PARVG: variants seen among roughly 807,000 people sequenced by gnomAD.
PARVG encodes the protein parvin gamma.
PARVG carries 36 observed loss-of-function variants against 44.4 expected under a neutral mutation model. That is an observed-to-expected ratio of 0.81 (90% CI 0.62 to 1.07). The LOEUF (loss-of-function observed/expected upper bound fraction) is 1.07. PARVG is among the 50% of genes least tolerant of loss of function. The pLI is 0.00. For missense variants in PARVG, 407 were observed against 407.4 expected, an observed-to-expected ratio of 1.00 and a Z score of 0.01; for synonymous variants, 170 against 174.1, an observed-to-expected ratio of 0.98 and a Z score of 0.19.
rs1208204273 is a variant in PARVG at position 44,190,757 on chromosome 22, C to A, written c.504+91C>A. The A allele has an allele frequency of 5.4e-6, 6 of 1,105,006 alleles. No homozygotes were observed. In the Admixed American group the frequency reaches 7.6e-5, roughly 14 times the overall value. The allele number at this position is 1,105,006 out of a possible 1,614,324, so 68.5% of individuals were successfully genotyped here. On this transcript the variant is annotated intron_variant, in intron 7 of 13. Coordinates refer to ENST00000444313, the MANE Select transcript of PARVG (RefSeq NM_022141.7). ...CCTGCATGGGTGGAGCTGGCTGGGG[C>A]GGGGCTGACCCAGGGTGAGTTTCAG...
chr22:44,177,254 G>A (rs1468571289), upstream of PARVG, among the ~76,000 whole-genome samples: 1 of 152,022 alleles, frequency 6.6e-6, no homozygotes, highest in Non-Finnish European at 1.5e-5. Flanking sequence ...AATCTTTGAG[G>A]GTAAGTTGCA....
At chr22:44,192,238 G>A (rs902915556) in intron 8 of PARVG, 134 bp downstream of exon 8, 34 of 1,002,716 alleles carry the variant, frequency 3.4e-5, no homozygotes, top group Non-Finnish European at 4.5e-5. Context: ...TCTCAGACCC[G>A]AAAATGCTGC....
chr22:44,179,737 G>A (rs1233574917), upstream of PARVG, among the ~76,000 whole-genome samples: 1 of 145,502 alleles, frequency 6.9e-6, no homozygotes, highest in Admixed American at 6.7e-5. This position sits in a 1 kb window ranked among gnomAD's most constrained non-coding sequence, Gnocchi z 4.2. Flanking sequence ...AATTGTTTCT[G>A]GTAACAAATC....
intron 1 of PARVG, 187 bp from the exon 2 acceptor site, chr22:44,181,555 C>G (rs1458426063): frequency 1.8e-6 from 1 of 571,006 alleles, no homozygotes. Context: ...GAACAGCCTG[C>G]GGGGAAACTG....
At chr22:44,205,680 G>T (rs1261086449) in intron 12 of PARVG, 77 bp from the exon 13 acceptor site, 9 of 1,554,214 alleles carry the variant, frequency 5.8e-6, no homozygotes, top group Non-Finnish European at 7.1e-6. Context: ...CAACAGGAAG[G>T]GCTTGGCACT....
chr22:44,206,134 G>A (rs573605337), intron 13 of PARVG, among the ~76,000 whole-genome samples, 183 bp from the exon 14 acceptor site: 9 of 152,242 alleles, frequency 5.9e-5, no homozygotes, highest in Admixed American at 6.5e-5. Context: ...CTGGCCAGGA[G>A]GAGGAGGCAG....
chr22:44,187,433 A>G, intron 4 of PARVG: 1 of 354,974 alleles, frequency 2.8e-6, no homozygotes, highest in Non-Finnish European at 5.3e-6. Context: ...TTTTTCTATC[A>G]AGTGCTCATT....
chr22:44,199,463 C>T (rs1450083202), intron 12 of PARVG, among the ~76,000 whole-genome samples: 1 of 152,224 alleles, frequency 6.6e-6, no homozygotes, highest in Non-Finnish European at 1.5e-5. Context: ...CACGCCTGTT[C>T]CCCCATTCCC....
At chr22:44,204,492 A>T (rs527810086) in intron 12 of PARVG, among the ~76,000 whole-genome samples, 15 of 152,354 alleles carry the variant, frequency 9.8e-5, no homozygotes, top group African/African-American at 3.1e-4. Context: ...TGGGGGTGGC[A>T]GTACACAGAC....
intron 4 of PARVG, chr22:44,186,722 G>A (rs905394445): frequency 4.3e-6 from 2 of 463,564 alleles, no homozygotes; most frequent in Admixed American, 2.4e-5. Flanking sequence ...CAGTAGTTGA[G>A]TTGGGAGGTT....
At chr22:44,203,713 G>A (rs2054741126) in intron 12 of PARVG, among the ~76,000 whole-genome samples, 1 of 152,242 alleles carries the variant, frequency 6.6e-6, no homozygotes, top group Non-Finnish European at 1.5e-5. Flanking sequence ...TTCCAGTCTA[G>A]GAGGAAGAAC....
Position 44,190,127 on chromosome 22 carries a change from G to A in PARVG, c.389-424G>A, listed in dbSNP as rs4079767. On this transcript the variant is annotated intron_variant, in intron 6 of 13. Coordinates refer to ENST00000444313, the MANE Select transcript of PARVG (RefSeq NM_022141.7). ...GAGTCCGTTTTCAAACCCAGGTTTT[G>A]TTGGGTCCCATGCGCCTGCATTCGC... 3.6e-4 allele frequency among the ~76,000 whole-genome samples: 55 copies of A among 152,330 alleles called. No homozygotes were observed. The South Asian group carries it at 3.9e-3, about 11-fold the overall frequency.
chr22:44,187,304 G>T, intron 4 of PARVG: 2 of 187,872 alleles, frequency 1.1e-5, no homozygotes, highest in Non-Finnish European at 2.2e-5. Context: ...ATGCATCACT[G>T]CAGTCCCCAC....
At chr22:44,201,497 G>A (rs1357840882) in intron 12 of PARVG, among the ~76,000 whole-genome samples, 1 of 152,188 alleles carries the variant, frequency 6.6e-6, no homozygotes, top group African/African-American at 2.4e-5. Flanking sequence ...AGGTGCTCTG[G>A]ACTTGGTTCC....
chr22:44,173,368 C>G (rs2054288503), intron 1 of PARVG, among the ~76,000 whole-genome samples: 1 of 152,120 alleles, frequency 6.6e-6, no homozygotes, highest in East Asian at 1.9e-4. Context: ...CTCTGAAAGG[C>G]AAGGAACCCC....
At chr22:44,199,658 G>A (rs1464405195) in intron 12 of PARVG, among the ~76,000 whole-genome samples, 1 of 152,218 alleles carries the variant, frequency 6.6e-6, no homozygotes, top group Non-Finnish European at 1.5e-5. Flanking sequence ...GGAAGAATGA[G>A]GGCTTAGAAT....
chr22:44,177,978 A>G (rs1307386329), upstream of PARVG, among the ~76,000 whole-genome samples: 1 of 152,132 alleles, frequency 6.6e-6, no homozygotes, highest in Admixed American at 6.6e-5. Flanking sequence ...TCACTTTTGG[A>G]GTTACCTTTC....
chr22:44,195,111 C>T (rs376112570), intron 9 of PARVG, among the ~76,000 whole-genome samples: 4 of 151,964 alleles, frequency 2.6e-5, no homozygotes, highest in East Asian at 3.9e-4. Flanking sequence ...CTGAGGAAGG[C>T]GGAGTTTGGG....
At chr22:44,201,724 G>A (rs943958597) in intron 12 of PARVG, among the ~76,000 whole-genome samples, 8 of 152,210 alleles carry the variant, frequency 5.3e-5, no homozygotes, top group Non-Finnish European at 7.3e-5. Context: ...CCGGCAGGTC[G>A]GCTGAGTTTA....
Sources: allele counts gnomAD v4.1 joint callset (sites outside exome capture counted in the v4.1 genomes callset), GRCh38; gene constraint gnomAD v4.1.1; non-coding constraint Gnocchi (gnomAD v3.1); transcripts MANE v1.5; gene names NCBI Gene and HGNC (gene_info 2026-07-23, HGNC 2026-07-21).